CPNE4: variants seen among roughly 807,000 people sequenced by gnomAD.
The protein encoded by CPNE4 is copine-4.
CPNE4 carries 25 observed loss-of-function variants against 67.9 expected under a neutral mutation model. The ratio of observed to expected loss-of-function variants is 0.37; its 90% CI spans 0.27 to 0.51. CPNE4 has a LOEUF of 0.51. Ranked by LOEUF, CPNE4 falls within the 20% of genes least tolerant of loss-of-function variation. CPNE4 has a pLI of 0.93. For missense variants in CPNE4, 464 were observed against 690.8 expected (o/e 0.67, Z 3.68); for synonymous variants, 242 against 244.9 (o/e 0.99, Z 0.11).
intron 1 of CPNE4, among the ~76,000 whole-genome samples, chr3:131,948,239 T>C (rs547808471): frequency 4.6e-5 from 7 of 152,242 alleles, no homozygotes; most frequent in East Asian, 1.9e-4. Flanking sequence ...GTGGAGGTAA[T>C]TGGATCACGG....
intron 2 of CPNE4, among the ~76,000 whole-genome samples, chr3:131,850,875 GTAA>G (rs2086214971): frequency 6.6e-6 from 1 of 152,044 alleles, no homozygotes; most frequent in Admixed American, 6.6e-5. Context: ...TCAAACCTGG[GTAA>G]TATGATTTCA....
intron 1 of CPNE4, among the ~76,000 whole-genome samples, chr3:132,008,233 A>G (rs2073658212): frequency 1.3e-5 from 2 of 152,204 alleles, no homozygotes. Context: ...CTCGAGTGAA[A>G]TGGAGTAAAT....
At chr3:131,718,572 T>C (rs55717819) in intron 3 of CPNE4, among the ~76,000 whole-genome samples, 19,304 of 152,184 alleles carry the variant, frequency 0.13, 1,415 homozygotes, top group African/African-American at 0.19. Context: ...GTTGGTGAAT[T>C]CCTACTTATC....
chr3:131,555,439 G>A, intron 12 of CPNE4, 58 bp downstream of exon 12: 1 of 1,492,638 alleles, frequency 6.7e-7, no homozygotes, highest in Non-Finnish European at 9.3e-7. Flanking sequence ...GCAAAGAAGA[G>A]CCAAGTTATC....
chr3:131,876,707 A>ATG (rs973725058), intron 2 of CPNE4, among the ~76,000 whole-genome samples: 2 of 151,792 alleles, frequency 1.3e-5, no homozygotes, highest in Non-Finnish European at 2.9e-5. Flanking sequence ...GTGTGTGCAC[A>ATG]TGTGTGTGTG....
At chr3:132,016,121 C>T in intron 1 of CPNE4, among the ~76,000 whole-genome samples, 1 of 152,124 alleles carries the variant, frequency 6.6e-6, no homozygotes, top group East Asian at 1.9e-4. Flanking sequence ...TCTTTCAATC[C>T]TGAGCTGTGC....
At chr3:131,971,489 A>G (rs949234054) in intron 1 of CPNE4, among the ~76,000 whole-genome samples, 1 of 152,198 alleles carries the variant, frequency 6.6e-6, no homozygotes, top group African/African-American at 2.4e-5. Context: ...TAGGTCCAAA[A>G]ACTCCAGTCA....
chr3:131,825,208 T>A (rs970910805), intron 2 of CPNE4, among the ~76,000 whole-genome samples: 2 of 151,958 alleles, frequency 1.3e-5, no homozygotes, highest in African/African-American at 4.8e-5. Flanking sequence ...AAAAAAGTGG[T>A]AATTTCTGGC....
rs1553772125 is a variant in CPNE4 at position 131,792,608 on chromosome 3, T to TGTGTGTATATGTATATATATATATACAC, written c.181-68984_181-68983insGTGTATATATATATATACATATACACAC. On this transcript the variant is annotated intron_variant, in intron 2 of 15. Transcript: ENST00000429747. ...ATACATATATATATGTATATGTGTG[T>TGTGTGTATATGTATATATATATATACAC]GTGTATATATGTATATATATATACA... Among the ~76,000 whole-genome samples, 4 of 91,366 alleles carry TGTGTGTATATGTATATATATATATACAC rather than the reference T, an allele frequency of 4.4e-5. 1 individual carries two copies. Among genetic ancestry groups the TGTGTGTATATGTATATATATATATACAC allele is most frequent in the Non-Finnish European group, 9.2e-5 (4 of 43,248 alleles). The allele number at this position is 91,366 out of a possible 152,430, so 59.9% of individuals were successfully genotyped here. A position where few individuals can be genotyped will look rare whatever the true frequency, so the allele number is the denominator to read the frequency against.
chr3:132,019,313 A>T (rs540680028), intron 1 of CPNE4, among the ~76,000 whole-genome samples: 26 of 149,472 alleles, frequency 1.7e-4, no homozygotes, highest in African/African-American at 6.1e-4. Context: ...ATTTCTTATT[A>T]AAAAAAAAAC....
At chr3:131,796,275 C>G (rs550977009) in intron 2 of CPNE4, among the ~76,000 whole-genome samples, 73 of 152,120 alleles carry the variant, frequency 4.8e-4, no homozygotes, top group African/African-American at 1.6e-3. Context: ...GAATCATCTT[C>G]AGCCTCGTTA....
intron 2 of CPNE4, among the ~76,000 whole-genome samples, chr3:131,803,424 GCTAA>G (rs1175708019): frequency 5.9e-5 from 9 of 152,164 alleles, no homozygotes; most frequent in African/African-American, 2.2e-4. Flanking sequence ...AAGTTTTGCT[GCTAA>G]CTGTCTCTAT....
At chr3:131,864,356 T>C (rs2086837917) in intron 2 of CPNE4, among the ~76,000 whole-genome samples, 1 of 152,210 alleles carries the variant, frequency 6.6e-6, no homozygotes, top group Admixed American at 6.5e-5. Flanking sequence ...TGTTCTTCCA[T>C]TTCTTTGTAT....
intron 2 of CPNE4, among the ~76,000 whole-genome samples, chr3:131,896,977 T>A (rs763339370): frequency 1.3e-5 from 2 of 152,010 alleles, no homozygotes; most frequent in Admixed American, 6.6e-5. Flanking sequence ...TAGAAGTAAA[T>A]GCTGGATACA....
chr3:131,601,315 T>C (rs552752471), intron 7 of CPNE4, among the ~76,000 whole-genome samples: 4 of 152,188 alleles, frequency 2.6e-5, no homozygotes, highest in African/African-American at 9.6e-5. Context: ...TACAATAGAC[T>C]AGGAATTGAG....
chr3:131,734,090 A>T (rs948229198), intron 2 of CPNE4, among the ~76,000 whole-genome samples: 9 of 152,120 alleles, frequency 5.9e-5, no homozygotes, highest in African/African-American at 2.2e-4. Flanking sequence ...TAGAATCATA[A>T]ATTTTTGTCC....
chr3:131,861,436 G>C (rs2086677600), intron 2 of CPNE4, among the ~76,000 whole-genome samples: 1 of 132,826 alleles, frequency 7.5e-6, no homozygotes, highest in Non-Finnish European at 1.7e-5. Flanking sequence ...GTGTGTGTGT[G>C]TGTGTGTGTG....
At chr3:131,876,281 A>C (rs533073134) in intron 2 of CPNE4, among the ~76,000 whole-genome samples, 2 of 140,318 alleles carry the variant, frequency 1.4e-5, no homozygotes, top group Non-Finnish European at 1.6e-5. Context: ...TAAATAAATA[A>C]ATACGAATAC....
At chr3:131,816,302 T>G (rs541612243) in intron 2 of CPNE4, among the ~76,000 whole-genome samples, 1 of 152,222 alleles carries the variant, frequency 6.6e-6, no homozygotes, top group Non-Finnish European at 1.5e-5. Flanking sequence ...GGGGAGTGTT[T>G]CATAGGCAAT....
Sources: gnomAD v4.1 joint callset for allele counts (sites outside exome capture counted in the v4.1 genomes callset) on GRCh38, gnomAD v4.1.1 for gene constraint, MANE v1.5 for transcripts, NCBI Gene and HGNC (gene_info 2026-07-23, HGNC 2026-07-21) for gene names.